ELMO1: variants seen among roughly 807,000 people sequenced by gnomAD.
The protein encoded by ELMO1 is engulfment and cell motility protein 1.
ELMO1 carries 26 observed loss-of-function variants against 98.9 expected under a neutral mutation model. The ratio of observed to expected loss-of-function variants is 0.26; its 90% CI spans 0.19 to 0.36. The LOEUF (loss-of-function observed/expected upper bound fraction) is 0.36. Among genes scored for constraint, ELMO1 ranks in the 10% least tolerant of loss-of-function variants. ELMO1 has a pLI of 1.00. For synonymous variants in ELMO1, 346 were observed against 346.0 expected, an observed-to-expected ratio of 1.00 and a Z score of 0.00; for missense variants, 627 against 935.2, an observed-to-expected ratio of 0.67 and a Z score of 4.30.
At chr7:37,172,688 C>T (rs978574960) in intron 13 of ELMO1, among the ~76,000 whole-genome samples, 1 of 152,134 alleles carries the variant, frequency 6.6e-6, no homozygotes, top group Admixed American at 6.5e-5. Context: ...ACATTGCCGA[C>T]AATACCAGAA....
chr7:37,190,084 T>A (rs1241261357), intron 13 of ELMO1, among the ~76,000 whole-genome samples: 1 of 149,214 alleles, frequency 6.7e-6, no homozygotes, highest in East Asian at 2.0e-4. Context: ...TAGCAGAAAT[T>A]CTTATACTGA....
At chr7:37,022,217 TATC>T (rs1286843520) in intron 15 of ELMO1, among the ~76,000 whole-genome samples, 11 of 152,262 alleles carry the variant, frequency 7.2e-5, no homozygotes, top group African/African-American at 2.6e-4. Context: ...AAAACAGAAA[TATC>T]ATTAATCATA....
At chr7:37,144,351 G>A (rs1410357050) in intron 13 of ELMO1, among the ~76,000 whole-genome samples, 1 of 151,842 alleles carries the variant, frequency 6.6e-6, no homozygotes, top group African/African-American at 2.4e-5. Context: ...TTAATAACAA[G>A]AAAAGGAAAA....
At chr7:36,948,888 C>G (rs1787735723) in intron 16 of ELMO1, among the ~76,000 whole-genome samples, 1 of 152,098 alleles carries the variant, frequency 6.6e-6, no homozygotes, top group East Asian at 1.9e-4. Flanking sequence ...TGGAGTCTCG[C>G]TCTGTCACTC....
At chr7:37,238,342 T>G (rs766058716) in intron 7 of ELMO1, among the ~76,000 whole-genome samples, 2 of 152,226 alleles carry the variant, frequency 1.3e-5, no homozygotes, top group African/African-American at 4.8e-5. Context: ...AAGTGGAAAT[T>G]TTAAAATGTC....
chr7:37,046,593 T>C, intron 15 of ELMO1, among the ~76,000 whole-genome samples: 2 of 151,156 alleles, frequency 1.3e-5, no homozygotes, highest in East Asian at 4.1e-4. Context: ...GGAATGAGAA[T>C]GATGAAAACA....
At chr7:37,130,744 T>C (rs748440120) in intron 14 of ELMO1, among the ~76,000 whole-genome samples, 6 of 139,396 alleles carry the variant, frequency 4.3e-5, no homozygotes, top group Non-Finnish European at 3.0e-5. Context: ...TATTTGTGCA[T>C]ATATACATGT....
chr7:36,945,297 T>C (rs1378932211), intron 16 of ELMO1, among the ~76,000 whole-genome samples: 1 of 152,236 alleles, frequency 6.6e-6, no homozygotes, highest in African/African-American at 2.4e-5. Flanking sequence ...CACTTTTATA[T>C]GGTTTCTTCC....
At chr7:37,339,963 A>G (rs1208871084) in intron 2 of ELMO1, among the ~76,000 whole-genome samples, 1 of 152,134 alleles carries the variant, frequency 6.6e-6, no homozygotes, top group Non-Finnish European at 1.5e-5. Flanking sequence ...CCCAAACTGA[A>G]GACTTTTCCT....
chr7:37,167,148 C>A (rs1426440629), intron 13 of ELMO1, among the ~76,000 whole-genome samples: 3 of 151,980 alleles, frequency 2.0e-5, no homozygotes, highest in Non-Finnish European at 2.9e-5. Flanking sequence ...TTATCAGAGA[C>A]TAGGATTCCA....
intron 15 of ELMO1, among the ~76,000 whole-genome samples, chr7:37,079,702 T>C (rs1417657652): frequency 6.6e-6 from 1 of 152,124 alleles, no homozygotes; most frequent in Non-Finnish European, 1.5e-5. Context: ...CATATGACAC[T>C]GCAATCTCTC....
intron 13 of ELMO1, among the ~76,000 whole-genome samples, chr7:37,194,726 C>A (rs1791858582): frequency 6.6e-6 from 1 of 152,170 alleles, no homozygotes; most frequent in South Asian, 2.1e-4. Context: ...CCAAATGCTC[C>A]CTATTCTTTA....
chr7:37,439,156 G>A (rs1805290239), intron 1 of ELMO1, among the ~76,000 whole-genome samples: 1 of 152,128 alleles, frequency 6.6e-6, no homozygotes, highest in Non-Finnish European at 1.5e-5. Context: ...CCTCCCTCCA[G>A]CTGTACCATC....
At chr7:37,106,267 A>C (rs1784942056) in intron 14 of ELMO1, among the ~76,000 whole-genome samples, 1 of 152,130 alleles carries the variant, frequency 6.6e-6, no homozygotes, top group East Asian at 1.9e-4. Context: ...TCCCCAATGC[A>C]ACAGTATTAA....
intron 14 of ELMO1, among the ~76,000 whole-genome samples, chr7:37,121,571 G>C (rs902814602): frequency 3.3e-5 from 5 of 152,072 alleles, no homozygotes; most frequent in Admixed American, 2.0e-4. Flanking sequence ...GAGAAGTTTA[G>C]AGAAAAAAAG....
intron 1 of ELMO1, among the ~76,000 whole-genome samples, chr7:37,439,559 T>C (rs923440136): frequency 1.3e-5 from 2 of 152,236 alleles, no homozygotes; most frequent in Admixed American, 6.5e-5. Context: ...GGCTGTTGAC[T>C]GACTTGAATG....
At chr7:37,297,946 G>T (rs1205982363) in intron 4 of ELMO1, among the ~76,000 whole-genome samples, 1 of 152,166 alleles carries the variant, frequency 6.6e-6, no homozygotes, top group Non-Finnish European at 1.5e-5. Context: ...AAATATGTTT[G>T]AAGTAGATAC....
intron 16 of ELMO1, among the ~76,000 whole-genome samples, chr7:37,003,306 T>C (rs534935279): frequency 6.6e-6 from 1 of 152,254 alleles, no homozygotes; most frequent in South Asian, 2.1e-4. Flanking sequence ...GAGGATTGTG[T>C]GAGGCCAGGA....
chr7:37,443,058 C>T (rs1043162900), intron 1 of ELMO1, among the ~76,000 whole-genome samples: 1 of 152,176 alleles, frequency 6.6e-6, no homozygotes, highest in African/African-American at 2.4e-5. Context: ...ATTTCCAAAA[C>T]AGCATCCCCA....
Sources: gnomAD v4.1 joint callset for allele counts (sites outside exome capture counted in the v4.1 genomes callset) on GRCh38, gnomAD v4.1.1 for gene constraint, MANE v1.5 for transcripts, NCBI Gene and HGNC (gene_info 2026-07-23, HGNC 2026-07-21) for gene names.